PLEKHH2: variants seen among roughly 807,000 people sequenced by gnomAD.
PLEKHH2 encodes pleckstrin homology domain-containing family H member 2.
A neutral mutation model predicts 187.9 loss-of-function variants in PLEKHH2; 129 were observed. The ratio of observed to expected loss-of-function variants is 0.69; its 90% CI spans 0.59 to 0.79. The LOEUF (loss-of-function observed/expected upper bound fraction) is 0.79. Ranked by LOEUF, PLEKHH2 falls within the 30% of genes least tolerant of loss-of-function variation. The pLI is 0.00. For missense variants in PLEKHH2, 2,076 were observed against 1,751.2 expected (o/e 1.19, Z -3.31); for synonymous variants, 686 against 605.6 (o/e 1.13, Z -1.95).
rs191976916 is a variant in PLEKHH2 at position 43,667,530 on chromosome 2, G to A, written c.124-11333G>A. 2.6e-3 allele frequency among the ~76,000 whole-genome samples: 399 copies of A among 152,222 alleles called. 8 individuals are homozygous for A. Among genetic ancestry groups the A allele is most frequent in the South Asian group, 1.2e-3 (6 of 4,828 alleles). On this transcript the variant is annotated intron_variant, in intron 2 of 29. Transcript: ENST00000282406. ...TATAATAATCAAAGAGTGAAACAAC[G>A]CAAAAGCTCATCAACTAACTGATGA... is the stretch of plus-strand genomic sequence containing the variant.
At chr2:43,701,934 A>AT (rs1669392408) in intron 8 of PLEKHH2, among the ~76,000 whole-genome samples, 1 of 151,980 alleles carries the variant, frequency 6.6e-6, no homozygotes, top group African/African-American at 2.4e-5. Context: ...CACCTGGCTA[A>AT]TTTTTTGTAT....
chr2:43,697,852 G>T (rs1470753731), intron 7 of PLEKHH2, among the ~76,000 whole-genome samples: 1 of 151,982 alleles, frequency 6.6e-6, no homozygotes, highest in East Asian at 1.9e-4. Context: ...ATAACTCTTT[G>T]ATTTTCCTTT....
chr2:43,692,797 A>G (rs1668876411), intron 4 of PLEKHH2, 134 bp downstream of exon 4: 1 of 961,190 alleles, frequency 1.0e-6, no homozygotes, highest in Non-Finnish European at 1.5e-6. Context: ...ATAGGATTGC[A>G]TCACATTTAT....
chr2:43,700,917 C>G (rs1406751208), intron 8 of PLEKHH2, among the ~76,000 whole-genome samples: 1 of 152,068 alleles, frequency 6.6e-6, no homozygotes, highest in Non-Finnish European at 1.5e-5. Flanking sequence ...CCCAAAGTGT[C>G]CACACTCATT....
chr2:43,694,288 TA>T, intron 4 of PLEKHH2, 142 bp from the exon 5 acceptor site: 1 of 983,758 alleles, frequency 1.0e-6, no homozygotes, highest in South Asian at 1.9e-5. Context: ...TTTTTTCTTT[TA>T]AAAACCTATT....
At position 43,704,010 on chromosome 2, in the gene PLEKHH2, A is replaced by G. The variant is rs112810684; in HGVS notation, c.1680A>G (p.Ser560=). 377 of 1,597,780 alleles carry G rather than the reference A, an allele frequency of 2.4e-4. 1 individual carries two copies. In the Middle Eastern group the frequency reaches 4.3e-3, roughly 18 times the overall value. The change falls in exon 9 of 30, where the codon TCA becomes TCG. Residue 560 remains serine (S), a synonymous_variant. Transcript: ENST00000282406. The part of the protein sequence containing the change: ...WESRIYAVAK[S]GIRMSEAFNM... ...GCAGAATTTATGCTGTAGCCAAATC[A>G]GGTATTCGAATGTCTGAGGCCTTCA...
rs147942163 is a variant in PLEKHH2 at position 43,704,021 on chromosome 2, T to C, written c.1691T>C (p.Met564Thr). The change falls in exon 9 of 30, where the codon ATG becomes ACG. Residue 564 changes from methionine (M) to threonine (T), a missense_variant. Coordinates refer to ENST00000282406, the MANE Select transcript of PLEKHH2 (RefSeq NM_172069.4). ...GCTGTAGCCAAATCAGGTATTCGAATGTCTGAGGCCTTCAATATGGAGAGT... is the reference window on the plus strand; with the variant it reads ...GCTGTAGCCAAATCAGGTATTCGAACGTCTGAGGCCTTCAATATGGAGAGT... ...IYAVAKSGIR[M>T]SEAFNMESVN... 309 of 1,605,922 alleles carry C rather than the reference T, an allele frequency of 1.9e-4. 1 individual carries two copies. The highest frequency in any genetic ancestry group is 9.4e-5 in the Non-Finnish European group (110 of 1,175,494).
intron 16 of PLEKHH2, among the ~76,000 whole-genome samples, chr2:43,725,957 AT>A (rs11371946): frequency 1.0e-4 from 15 of 150,326 alleles, no homozygotes; most frequent in African/African-American, 1.7e-4. Flanking sequence ...AAAAAAAATC[AT>A]TTTTTTTTAA....
chr2:43,710,387 C>T (rs1214913719), intron 13 of PLEKHH2, 57 bp downstream of exon 13: 4 of 1,577,654 alleles, frequency 2.5e-6, no homozygotes, highest in African/African-American at 2.7e-5. Context: ...AAATCAGACG[C>T]CTGATTGATT....
intron 3 of PLEKHH2, among the ~76,000 whole-genome samples, chr2:43,686,653 G>A (rs1463290511): frequency 6.6e-6 from 1 of 152,148 alleles, no homozygotes; most frequent in Non-Finnish European, 1.5e-5. Flanking sequence ...TTCAACTTCT[G>A]CAAGAAGAAT....
At chr2:43,679,542 C>G in intron 3 of PLEKHH2, 1 of 319,920 alleles carries the variant, frequency 3.1e-6, no homozygotes, top group Non-Finnish European at 5.9e-6. Flanking sequence ...GTGGCCCAGG[C>G]TGGAGTGCAG....
At chr2:43,759,233 C>T (rs1158882086) in intron 27 of PLEKHH2, among the ~76,000 whole-genome samples, 3 of 152,198 alleles carry the variant, frequency 2.0e-5, no homozygotes, top group Non-Finnish European at 4.4e-5. Context: ...CACCCTAAAT[C>T]ATTTCTTGGA....
At chr2:43,666,584 TTC>T (rs1667229144) in intron 2 of PLEKHH2, among the ~76,000 whole-genome samples, 1 of 152,244 alleles carries the variant, frequency 6.6e-6, no homozygotes, top group Non-Finnish European at 1.5e-5. Context: ...TGCTTGAGTG[TTC>T]TACTTGCTCT....
At chr2:43,642,900 A>G (rs1666014140) in intron 1 of PLEKHH2, among the ~76,000 whole-genome samples, 1 of 152,180 alleles carries the variant, frequency 6.6e-6, no homozygotes, top group Non-Finnish European at 1.5e-5. Flanking sequence ...CAAATAGGTA[A>G]ATAGACTCCT....
rs542253678 is a variant in PLEKHH2 at position 43,717,534 on chromosome 2, T to G, written c.2461-3135T>G. Among the ~76,000 whole-genome samples, 231 of 152,106 alleles carry G rather than the reference T, an allele frequency of 1.5e-3. 1 individual carries two copies. Among genetic ancestry groups the G allele is most frequent in the African/African-American group, 5.4e-3 (222 of 41,484 alleles). On this transcript the variant is annotated intron_variant, in intron 15 of 29. Transcript: ENST00000282406. ...TTGTGATCAGAGAATAGAAAGTAAA[T>G]TGCAGAAGTGGAGCAGTTCCCAGTG...
At chr2:43,759,534 G>A (rs999561335) in intron 27 of PLEKHH2, among the ~76,000 whole-genome samples, 4 of 152,194 alleles carry the variant, frequency 2.6e-5, no homozygotes, top group African/African-American at 9.6e-5. Flanking sequence ...GAACACTGAG[G>A]AAGGAGACCC....
At chr2:43,676,539 G>A (rs1207794458) in intron 2 of PLEKHH2, among the ~76,000 whole-genome samples, 2 of 152,016 alleles carry the variant, frequency 1.3e-5, no homozygotes, top group African/African-American at 4.8e-5. Flanking sequence ...AGGTATACCA[G>A]GAGTTCTGCA....
At chr2:43,693,217 G>GC (rs1668907171) in intron 4 of PLEKHH2, among the ~76,000 whole-genome samples, 1 of 152,122 alleles carries the variant, frequency 6.6e-6, no homozygotes, top group African/African-American at 2.4e-5. Context: ...GAGCCACCAT[G>GC]CCCAGCCAGA....
At chr2:43,726,905 T>C (rs528537720) in intron 17 of PLEKHH2, among the ~76,000 whole-genome samples, 4 of 151,344 alleles carry the variant, frequency 2.6e-5, no homozygotes, top group African/African-American at 9.8e-5. Context: ...TCAATACATA[T>C]GATTATGTAT....
Sources: allele counts gnomAD v4.1 joint callset (sites outside exome capture counted in the v4.1 genomes callset), GRCh38; gene constraint gnomAD v4.1.1; transcripts MANE v1.5; gene names NCBI Gene and HGNC (gene_info 2026-07-23, HGNC 2026-07-21).